The following BIVM variants were observed in gnomAD, a reference collection of about 807,000 sequenced individuals.
The protein encoded by BIVM is basic immunoglobulin-like variable motif-containing protein.
Under a neutral mutation model 61.4 loss-of-function variants are expected in BIVM, and 31 were observed. That is an observed-to-expected ratio of 0.51 (90% CI 0.38 to 0.68). BIVM has a LOEUF of 0.68. Among genes scored for constraint, BIVM ranks in the 30% least tolerant of loss-of-function variants. BIVM has a pLI of 0.00. For missense variants in BIVM, 526 were observed against 596.0 expected (o/e 0.88, Z 1.22); for synonymous variants, 189 against 210.7 (o/e 0.90, Z 0.89).
chr13:102,819,901 G>A (rs1417729836), intron 4 of BIVM, among the ~76,000 whole-genome samples: 3 of 152,056 alleles, frequency 2.0e-5, no homozygotes, highest in East Asian at 1.9e-4. Context: ...CACTAAAGTT[G>A]CTCTTAGTGA....
rs77195517 is a variant in BIVM, at chr13:102,815,238, C to T, written c.479-1190C>T. On this transcript the variant is annotated intron_variant, in intron 3 of 10. Coordinates refer to ENST00000257336, the MANE Select transcript of BIVM (RefSeq NM_017693.4). ...TATCTTGAAGGAATAAAACTGATCT[C>T]TTTCCATGTTTGCTTACTAGGCATA... 5.3e-3 allele frequency among the ~76,000 whole-genome samples: 802 copies of T among 152,162 alleles called. 8 individuals are homozygous for T. Among genetic ancestry groups the T allele is most frequent in the African/African-American group, 0.017 (722 of 41,518 alleles).
chr13:102,814,767 C>G (rs78906208), intron 3 of BIVM, among the ~76,000 whole-genome samples: 2 of 152,080 alleles, frequency 1.3e-5, no homozygotes, highest in African/African-American at 2.4e-5. Flanking sequence ...AAAAGGGTCA[C>G]GCATGATGGC....
chr13:102,816,397 AT>A (rs1879869563), intron 3 of BIVM, 30 bp from the exon 4 acceptor site: 1 of 1,515,054 alleles, frequency 6.6e-7, no homozygotes. Context: ...CATCTTAAGC[AT>A]TTTGCTTATT....
At chr13:102,838,512 T>G in intron 9 of BIVM, 131 bp from the exon 10 acceptor site, 1 of 692,418 alleles carries the variant, frequency 1.4e-6, no homozygotes, top group Non-Finnish European at 2.3e-6. Flanking sequence ...GATGAAACAA[T>G]GTTGAGATAA....
At chr13:102,817,652 T>A (rs1010256932) in intron 4 of BIVM, among the ~76,000 whole-genome samples, 9 of 152,170 alleles carry the variant, frequency 5.9e-5, no homozygotes, top group African/African-American at 2.2e-4. Flanking sequence ...TGTCTGAATA[T>A]TTGTTGCAAA....
intron 9 of BIVM, among the ~76,000 whole-genome samples, chr13:102,835,562 CTCTT>C (rs1566456878): frequency 6.6e-6 from 1 of 152,156 alleles, no homozygotes; most frequent in African/African-American, 2.4e-5. Context: ...AAGACAGAGT[CTCTT>C]TCTGTCACTT....
chr13:102,824,220 T>C (rs117529748), intron 7 of BIVM, among the ~76,000 whole-genome samples: 1,736 of 152,224 alleles, frequency 0.011, 20 homozygotes, highest in Non-Finnish European at 0.019. Flanking sequence ...GTAAGGGGTG[T>C]CAAGGCACAG....
intron 6 of BIVM, 33 bp from the exon 7 acceptor site, chr13:102,822,032 G>A (rs2274390): frequency 0.042 from 67,188 of 1,606,176 alleles, 1,603 homozygotes; most frequent in East Asian, 0.078. Flanking sequence ...TTGTAGAATT[G>A]TTGCCATGAA....
chr13:102,827,102 T>G (rs1880724654), intron 7 of BIVM, among the ~76,000 whole-genome samples: 1 of 152,186 alleles, frequency 6.6e-6, no homozygotes, highest in Non-Finnish European at 1.5e-5. Flanking sequence ...TACTATAATT[T>G]TGCTAGAAAT....
chr13:102,839,748 G>A lies in BIVM; in HGVS notation c.1395G>A (p.Leu465=). 6.2e-7 allele frequency: 1 copy of A among 1,614,166 alleles called. No individual in the cohort carries two copies. Among genetic ancestry groups the A allele is most frequent in the Non-Finnish European group, 8.5e-7 (1 of 1,180,042 alleles). ...DNISKKQHGR[L]GRSFSASFHQ... ...TTTCCAAGAAGCAGCATGGGCGTCTGGGCCGGTCTTTCAGTGCTAGTTTCC... is the reference window on the plus strand; with the variant it reads ...TTTCCAAGAAGCAGCATGGGCGTCTAGGCCGGTCTTTCAGTGCTAGTTTCC... The change falls in exon 11 of 11, where the codon CTG becomes CTA. Residue 465 remains leucine (L), a synonymous_variant. Coordinates refer to ENST00000257336, the MANE Select transcript of BIVM (RefSeq NM_017693.4).
chr13:102,830,399 G>A (rs4772504), intron 7 of BIVM, among the ~76,000 whole-genome samples: 44,333 of 152,046 alleles, frequency 0.29, 6,670 homozygotes, highest in Admixed American at 0.37. Context: ...GTTTTAATGG[G>A]CTGTTTATGA....
chr13:102,839,625 A>C lies in BIVM; in HGVS notation c.1272A>C (p.Arg424Ser). ...CATTCCAGAGACTTAACTGGCAAAG[A>C]TTTGGCCTTTGGAACTTTCCATTTG... ...IIAFQRLNWQ[R>S]FGLWNFPFGT... The change falls in exon 11 of 11, where the codon AGA becomes AGC. Residue 424 changes from arginine (R) to serine (S), a missense_variant. By Grantham distance (110) the Arg-to-Ser change is moderately radical. Coordinates refer to ENST00000257336, the MANE Select transcript of BIVM (RefSeq NM_017693.4). The C allele has an allele frequency of 6.2e-7, 1 of 1,614,218 alleles. No homozygotes were observed. The highest frequency in any genetic ancestry group is 8.5e-7 in the Non-Finnish European group (1 of 1,180,038).
At position 102,802,687 on chromosome 13, in the gene BIVM, T is replaced by G. The variant is rs181109969; in HGVS notation, c.-206-2620T>G. Among the ~76,000 whole-genome samples, 688 of 152,042 alleles carry G rather than the reference T, an allele frequency of 4.5e-3. 3 individuals carry two copies. Among genetic ancestry groups the G allele is most frequent in the African/African-American group, 0.016 (663 of 41,484 alleles). On this transcript the variant is annotated intron_variant, in intron 1 of 10. Coordinates refer to ENST00000257336, the MANE Select transcript of BIVM (RefSeq NM_017693.4). Reference sequence around the variant, plus strand: ...ATCATCTTGTTCCGTGACCATTATTTAAAAGCAAACAAACTAAAAACACAA... The same window carrying G: ...ATCATCTTGTTCCGTGACCATTATTGAAAAGCAAACAAACTAAAAACACAA...
chr13:102,837,771 G>T (rs540927578), intron 9 of BIVM, among the ~76,000 whole-genome samples: 1 of 152,206 alleles, frequency 6.6e-6, no homozygotes, highest in South Asian at 2.1e-4. Context: ...GGAGCCGGAG[G>T]CCGTTATTCT....
intron 6 of BIVM, 74 bp downstream of exon 6, chr13:102,821,921 T>C: frequency 6.4e-7 from 1 of 1,555,270 alleles, no homozygotes; most frequent in Non-Finnish European, 8.8e-7. Context: ...TGTGTGTTGA[T>C]AGTAAACCAT....
At chr13:102,811,030 C>A (rs1879459130) in intron 3 of BIVM, among the ~76,000 whole-genome samples, 1 of 152,174 alleles carries the variant, frequency 6.6e-6, no homozygotes, top group African/African-American at 2.4e-5. Context: ...TGCTCCTGGC[C>A]TACTACTAGC....
At position 102,830,661 on chromosome 13, in the gene BIVM, T is replaced by C. The variant is rs1047842382; in HGVS notation, c.902-904T>C. Among the ~76,000 whole-genome samples, 4 of 152,310 alleles carry C rather than the reference T, an allele frequency of 2.6e-5. No individual in the cohort carries two copies. The South Asian group carries it at 8.3e-4, about 32-fold the overall frequency. On this transcript the variant is annotated intron_variant, in intron 7 of 10. Coordinates refer to ENST00000257336, the MANE Select transcript of BIVM (RefSeq NM_017693.4). ...ACTCCTCTAGCCTCCATAAGTTTTG[T>C]GTAAAGATTAAAGTGTGTGTAGAAA...
chr13:102,824,052 C>T (rs529853670), intron 7 of BIVM, among the ~76,000 whole-genome samples: 95 of 152,266 alleles, frequency 6.2e-4, no homozygotes, highest in African/African-American at 2.2e-3. Flanking sequence ...AAACCTTTTT[C>T]TGGTCCAAAA....
chr13:102,830,219 A>G (rs1469181170), intron 7 of BIVM, among the ~76,000 whole-genome samples: 1 of 152,056 alleles, frequency 6.6e-6, no homozygotes, highest in African/African-American at 2.4e-5. Context: ...TACTTGTTCC[A>G]TCTTCCCTAC....
Sources: gnomAD v4.1 joint callset for allele counts (sites outside exome capture counted in the v4.1 genomes callset) on GRCh38, gnomAD v4.1.1 for gene constraint, MANE v1.5 for transcripts, NCBI Gene and HGNC (gene_info 2026-07-23, HGNC 2026-07-21) for gene names.